The following BCAS3 variants were observed in gnomAD, a reference collection of about 807,000 sequenced individuals.
BCAS3 encodes BCAS4/BCAS3 fusion.
Under a neutral mutation model 116.1 loss-of-function variants are expected in BCAS3, and 53 were observed. The ratio of observed to expected loss-of-function variants is 0.46; its 90% CI spans 0.37 to 0.57. BCAS3 has a LOEUF of 0.57. Among genes scored for constraint, BCAS3 ranks in the 20% least tolerant of loss-of-function variants. The probability of loss-of-function intolerance (pLI) is 0.00; values close to 1 mark genes in which losing one functional copy is unlikely to be tolerated. For synonymous variants in BCAS3, 391 were observed against 408.2 expected, an observed-to-expected ratio of 0.96 and a Z score of 0.51; for missense variants, 917 against 1,165.4, an observed-to-expected ratio of 0.79 and a Z score of 3.10.
At chr17:61,268,481 A>T (rs1341338708) in intron 22 of BCAS3, among the ~76,000 whole-genome samples, 1 of 152,194 alleles carries the variant, frequency 6.6e-6, no homozygotes. Flanking sequence ...TATGTATATT[A>T]TGGTACAACA....
At chr17:60,691,020 C>T (rs1430171382) in intron 4 of BCAS3, among the ~76,000 whole-genome samples, 1 of 152,080 alleles carries the variant, frequency 6.6e-6, no homozygotes, top group Non-Finnish European at 1.5e-5. Context: ...GCAACCTGCG[C>T]CTCCTGGGTT....
Position 61,134,281 on chromosome 17 carries a change from A to T in BCAS3, c.2425+49717A>T, listed in dbSNP as rs1227862281. On this transcript the variant is annotated intron_variant, in intron 22 of 23. Coordinates refer to ENST00000407086, the MANE Select transcript of BCAS3 (RefSeq NM_017679.5). This position sits in a 1 kb window ranked among gnomAD's most constrained non-coding sequence, Gnocchi z 4.6. ...AGTAGTGAACACTTGTTGATTTTTT[A>T]AAAATCAACTGTTAGGCACTGTGCT... Among the ~76,000 whole-genome samples the T allele has an allele frequency of 9.9e-5, 15 of 152,092 alleles. No individual in the cohort carries two copies. The highest frequency in any genetic ancestry group is 7.7e-4 in the East Asian group (4 of 5,188).
intron 22 of BCAS3, among the ~76,000 whole-genome samples, chr17:61,321,126 T>C (rs1328851882): frequency 6.6e-6 from 1 of 152,124 alleles, no homozygotes; most frequent in Non-Finnish European, 1.5e-5. Flanking sequence ...TTGGCCTTCT[T>C]TTTTTTTCTA....
rs1051037222 is a variant in BCAS3 at position 61,083,846 on chromosome 17, G to A, written c.2328-621G>A. On this transcript the variant is annotated intron_variant, in intron 21 of 23. Coordinates refer to ENST00000407086, the MANE Select transcript of BCAS3 (RefSeq NM_017679.5). This position sits in a 1 kb window ranked among gnomAD's most constrained non-coding sequence, Gnocchi z 4.9. ...ATTCTTAAGCAACTTTAAATTGTGTGTAGTAATTTGCACGTTTACTGAGGT... is the reference window on the plus strand; with the variant it reads ...ATTCTTAAGCAACTTTAAATTGTGTATAGTAATTTGCACGTTTACTGAGGT... Among the ~76,000 whole-genome samples, 1 of 152,118 alleles carries A rather than the reference G, an allele frequency of 6.6e-6. No individual in the cohort carries two copies. The highest frequency in any genetic ancestry group is 2.4e-5 in the African/African-American group (1 of 41,440).
In BCAS3 at chr17:61,145,397, C is replaced by CTCTA. The variant is rs940184080; in HGVS notation, c.2425+60834_2425+60837dup. On this transcript the variant is annotated intron_variant, in intron 22 of 23. Coordinates refer to ENST00000407086, the MANE Select transcript of BCAS3 (RefSeq NM_017679.5). The surrounding 1 kb of genome is among the most constrained non-coding windows in gnomAD (Gnocchi z 5.0). ...ATCTCTTAATTCACAAAAGCATTTGCTCTAGTTCCTGTTCTCTGCTGCAGG... is the reference window on the plus strand; with the variant it reads ...ATCTCTTAATTCACAAAAGCATTTGCTCTATCTAGTTCCTGTTCTCTGCTGCAGG... Among the ~76,000 whole-genome samples, 1 of 152,176 alleles carries CTCTA rather than the reference C, an allele frequency of 6.6e-6. No individual in the cohort carries two copies. Among genetic ancestry groups the CTCTA allele is most frequent in the Non-Finnish European group, 1.5e-5 (1 of 68,044 alleles).
chr17:61,230,821 T>G (rs963353316), intron 22 of BCAS3, among the ~76,000 whole-genome samples: 6 of 152,156 alleles, frequency 3.9e-5, no homozygotes, highest in African/African-American at 1.4e-4. Context: ...ATAATGGGAT[T>G]GCTGGGTCAA....
At chr17:60,943,236 C>A (rs2060315995) in intron 13 of BCAS3, among the ~76,000 whole-genome samples, 1 of 151,890 alleles carries the variant, frequency 6.6e-6, no homozygotes, top group African/African-American at 2.4e-5. Context: ...ATTGGTAGAC[C>A]TAAGTCCAGC....
intron 5 of BCAS3, among the ~76,000 whole-genome samples, chr17:60,718,628 A>C (rs1568092810): frequency 6.6e-6 from 1 of 151,948 alleles, no homozygotes; most frequent in Admixed American, 6.6e-5. Context: ...AATTTTAGCT[A>C]TTTTGGTAGG....
At chr17:60,694,726 T>G (rs1412292650) in intron 4 of BCAS3, among the ~76,000 whole-genome samples, 2 of 151,746 alleles carry the variant, frequency 1.3e-5, no homozygotes, top group Admixed American at 1.3e-4. Context: ...TCCTCCCACC[T>G]CGGTGTCCCA....
At chr17:61,070,377 ATATATATATATATATATATATATC>A (rs770988477) in intron 19 of BCAS3, 1 of 135,226 alleles carries the variant, frequency 7.4e-6, no homozygotes, top group South Asian at 1.8e-4. Context: ...ATATATATAT[ATATATATATATATATATATATATC>A]TTTTCACCAT....
chr17:61,088,142 A>C lies in BCAS3; in HGVS notation c.2425+3578A>C, dbSNP rs760497631. 6.6e-6 allele frequency among the ~76,000 whole-genome samples: 1 copy of C among 152,232 alleles called. No homozygotes were observed. Among genetic ancestry groups the C allele is most frequent in the African/African-American group, 2.4e-5 (1 of 41,466 alleles). ...GGTTGCAGTGAGCTGAGATTGCACC[A>C]GTGCACTCTAGCCTGGGTGACCGAG... On this transcript the variant is annotated intron_variant, in intron 22 of 23. Transcript: ENST00000407086. The surrounding 1 kb of genome is among the most constrained non-coding windows in gnomAD (Gnocchi z 4.2).
In BCAS3 at chr17:61,279,885, C is replaced by T. The variant is rs748036048; in HGVS notation, c.2426-88442C>T. Among the ~76,000 whole-genome samples, 6 of 152,092 alleles carry T rather than the reference C, an allele frequency of 3.9e-5. No homozygotes were observed. The highest frequency in any genetic ancestry group is 8.8e-5 in the Non-Finnish European group (6 of 67,994). On this transcript the variant is annotated intron_variant, in intron 22 of 23. Transcript: ENST00000407086. The surrounding 1 kb of genome is among the most constrained non-coding windows in gnomAD (Gnocchi z 4.4). ...CAGCTTTGCTAAATCTCCTTTGGCT[C>T]ACTTTTTCTCCCTCTCCATGTCTCT...
rs1046496093 is a variant in BCAS3, at chr17:61,040,794, C to A, written c.1931C>A (p.Thr644Asn). The A allele has an allele frequency of 5.6e-6, 9 of 1,612,354 alleles. No homozygotes were observed. The highest frequency in any genetic ancestry group is 3.3e-5 in the South Asian group (3 of 91,058). The part of the protein sequence containing the change: ...SPRASWTLVR[T>N]PQWNELQPPF... ...ATATTCTTCTCCTGTTTCCTTAGAA[C>A]CCCTCAATGGAATGAATTGCAGCCA... is the stretch of plus-strand genomic sequence containing the variant. Residue 644 changes from threonine (T) to asparagine (N), a missense_variant and splice_region_variant, in exon 19 of 24, where the codon ACC becomes AAC. Thr to Asn is a moderately conservative substitution (Grantham distance 65). Around this residue, in one of 3 missense-constraint regions of BCAS3, gnomAD observed 807 missense variants for 1,026.0 expected, o/e 0.79. Transcript: ENST00000407086.
intron 22 of BCAS3, chr17:61,086,883 A>G: frequency 1.0e-6 from 1 of 985,182 alleles, no homozygotes; most frequent in Non-Finnish European, 1.2e-6. Flanking sequence ...TGAGAAATAT[A>G]TGTTAACGCA....
intron 4 of BCAS3, among the ~76,000 whole-genome samples, chr17:60,690,372 C>A (rs1031267066): frequency 5.3e-5 from 8 of 151,982 alleles, no homozygotes; most frequent in Non-Finnish European, 7.4e-5. Context: ...GAGTTCAAGA[C>A]CTGCCTGGGC....
intron 7 of BCAS3, among the ~76,000 whole-genome samples, chr17:60,828,566 G>A (rs918048812): frequency 5.3e-5 from 8 of 152,080 alleles, no homozygotes; most frequent in Admixed American, 6.5e-5. Flanking sequence ...AAGACTATAT[G>A]GATATAATTT....
At chr17:61,360,509 C>T (rs1024556434) in intron 22 of BCAS3, among the ~76,000 whole-genome samples, 5 of 152,226 alleles carry the variant, frequency 3.3e-5, no homozygotes, top group African/African-American at 1.2e-4. Context: ...GGGGTGTGAG[C>T]AGGGCCATGC....
At chr17:60,793,543 C>G (rs1894632717) in intron 6 of BCAS3, among the ~76,000 whole-genome samples, 1 of 152,032 alleles carries the variant, frequency 6.6e-6, no homozygotes, top group Admixed American at 6.6e-5. Context: ...AGTCTTTTAT[C>G]CATCGCCCCC....
intron 11 of BCAS3, among the ~76,000 whole-genome samples, chr17:60,907,666 G>A (rs968487303): frequency 6.9e-4 from 105 of 152,204 alleles, no homozygotes; most frequent in African/African-American, 1.9e-3. Flanking sequence ...AGATTCATCA[G>A]TGATTTAATG....
Sources: allele counts gnomAD v4.1 joint callset (sites outside exome capture counted in the v4.1 genomes callset), GRCh38; gene constraint gnomAD v4.1.1; regional missense constraint gnomAD v4.1.1; non-coding constraint Gnocchi (gnomAD v3.1); transcripts MANE v1.5; gene names NCBI Gene and HGNC (gene_info 2026-07-23, HGNC 2026-07-21).